P3H3: variants seen among roughly 807,000 people sequenced by gnomAD.
P3H3 encodes the protein gene rich cluster, B.
Under a neutral mutation model 78.1 loss-of-function variants are expected in P3H3, and 64 were observed. That is an observed-to-expected ratio of 0.82 (90% confidence interval 0.67 to 1.01). P3H3 has a LOEUF of 1.01. Ranked by LOEUF, P3H3 falls within the 50% of genes least tolerant of loss-of-function variation. The pLI is 0.00. For synonymous variants in P3H3, 425 were observed against 416.7 expected, an observed-to-expected ratio of 1.02 and a Z score of -0.24; for missense variants, 975 against 982.2, an observed-to-expected ratio of 0.99 and a Z score of 0.10.
intron 9 of P3H3, among the ~76,000 whole-genome samples, chr12:6,836,561 G>A (rs139100010): frequency 2.6e-4 from 40 of 152,236 alleles, no homozygotes; most frequent in African/African-American, 9.6e-4. Context: ...TCTCCCTACC[G>A]CCAGTCTGGC....
intron 10 of P3H3, 25 bp downstream of exon 10, chr12:6,837,111 C>T (rs781976510): frequency 1.2e-4 from 192 of 1,567,618 alleles, no homozygotes; most frequent in Non-Finnish European, 1.4e-4. Flanking sequence ...CACCCGGGCC[C>T]GTCTGATGCC....
At chr12:6,835,137 C>T (rs1943483986) in intron 9 of P3H3, among the ~76,000 whole-genome samples, 1 of 152,126 alleles carries the variant, frequency 6.6e-6, no homozygotes, top group South Asian at 2.1e-4. Flanking sequence ...GGGCCAGCTC[C>T]ATAGTCATTA....
rs1555122775 is a variant in P3H3 at position 6,839,419 on chromosome 12, A to C, written c.2169A>C (p.Gln723His). Reference sequence around the variant, plus strand: ...CTAGCCGCAGGCACCAGAGGGTCCAAGACAAGACTGGAAGGGCACCTCGGG... The same window carrying C: ...CTAGCCGCAGGCACCAGAGGGTCCACGACAAGACTGGAAGGGCACCTCGGG... ...EPPSRRHQRV[Q>H]DKTGRAPRVR... Residue 723 changes from glutamine (Q) to histidine (H), a missense_variant, in exon 15 of 15, where the codon CAA (glutamine) becomes CAC (histidine). Physicochemically the swap from Gln to His is conservative, Grantham distance 24. Transcript: ENST00000290510. 6.4e-7 allele frequency: 1 copy of C among 1,551,986 alleles called. No individual in the cohort carries two copies. The highest frequency in any genetic ancestry group is 1.2e-5 in the South Asian group (1 of 84,074).
intron 10 of P3H3, 84 bp downstream of exon 10, chr12:6,837,170 C>G: frequency 7.9e-7 from 1 of 1,260,970 alleles, no homozygotes; most frequent in Non-Finnish European, 1.1e-6. Flanking sequence ...AGGGCCTGGG[C>G]TTTTGTGAAG....
At chr12:6,835,996 C>A (rs1205893119) in intron 9 of P3H3, among the ~76,000 whole-genome samples, 1 of 152,176 alleles carries the variant, frequency 6.6e-6, no homozygotes, top group Non-Finnish European at 1.5e-5. Flanking sequence ...GAGGCTGAGG[C>A]AGGCGAATGG....
chr12:6,836,830 G>A (rs1555122179), intron 9 of P3H3, among the ~76,000 whole-genome samples, 155 bp from the exon 10 acceptor site: 1 of 152,184 alleles, frequency 6.6e-6, no homozygotes, highest in East Asian at 1.9e-4. Flanking sequence ...GCACTCTCTG[G>A]GAAAGAGCAG....
chr12:6,829,092 G>A lies in P3H3; in HGVS notation c.498+154G>A. On this transcript the variant is annotated intron_variant, in intron 1 of 14. Coordinates refer to ENST00000290510, the MANE Select transcript of P3H3 (RefSeq NM_014262.5). The surrounding 1 kb of genome is among the most constrained non-coding windows in gnomAD (Gnocchi z 5.1). Reference sequence around the variant, plus strand: ...GCCTCTGCGTAGGAGCTGGCTAAGCGACCGCGAGGACCTCTTGAGATCGCA... The same window carrying A: ...GCCTCTGCGTAGGAGCTGGCTAAGCAACCGCGAGGACCTCTTGAGATCGCA... 2.3e-6 allele frequency: 1 copy of A among 428,948 alleles called. No homozygotes were observed. Among genetic ancestry groups the A allele is most frequent in the Non-Finnish European group, 3.9e-6 (1 of 254,986 alleles). 26.6% of individuals were successfully genotyped at this position (428,948 alleles called of 1,614,324 possible).
At chr12:6,835,428 C>CA (rs1289639276) in intron 9 of P3H3, among the ~76,000 whole-genome samples, 1 of 151,628 alleles carries the variant, frequency 6.6e-6, no homozygotes, top group Non-Finnish European at 1.5e-5. Flanking sequence ...ACTAAAAATA[C>CA]AAAAAAATTA....
chr12:6,828,699 G>A lies in P3H3; in HGVS notation c.259G>A (p.Ala87Thr). Residue 87 changes from alanine (A) to threonine (T), a missense_variant, in exon 1 of 15, where the codon GCC becomes ACC. Ala to Thr is a moderately conservative substitution (Grantham distance 58). Transcript: ENST00000290510. ...CGASCAADPG[A>T]ALPAVLLGAP... The stretch of plus-strand genomic sequence containing the variant: ...GGCGAGCTGCGCGGCCGATCCGGGC[G>A]CCGCGCTCCCCGCCGTGCTTCTCGG... 8.0e-7 allele frequency: 1 copy of A among 1,244,894 alleles called. No individual in the cohort carries two copies. The highest frequency in any genetic ancestry group is 3.3e-5 in the South Asian group (1 of 30,574). 77.1% of individuals were successfully genotyped at this position (1,244,894 alleles called of 1,614,324 possible). A position where few individuals can be genotyped will look rare whatever the true frequency, so the allele number is the denominator to read the frequency against.
In P3H3 at chr12:6,838,196, T is replaced by C. The variant is rs1278704580; in HGVS notation, c.1905+163T>C. The C allele has an allele frequency of 3.2e-6, 3 of 941,388 alleles. No homozygotes were observed. In the African/African-American group the frequency reaches 5.0e-5, roughly 16 times the overall value. The allele number at this position is 941,388 out of a possible 1,614,324, so 58.3% of individuals were successfully genotyped here. A position where few individuals can be genotyped will look rare whatever the true frequency, so the allele number is the denominator to read the frequency against. On this transcript the variant is annotated intron_variant, in intron 13 of 14. Transcript: ENST00000290510. ...TCCCGCTGCTTCCTCCGTAGCAAGG[T>C]CTCTAAGTGGCCGAATCAACCCTAC...
chr12:6,836,814 C>T (rs1555122172), intron 9 of P3H3, among the ~76,000 whole-genome samples, 171 bp from the exon 10 acceptor site: 1 of 152,146 alleles, frequency 6.6e-6, no homozygotes, highest in African/African-American at 2.4e-5. Context: ...ACAGCCGTGG[C>T]GGTGGGCACT....
At chr12:6,832,458 C>G (rs1437272239) in intron 6 of P3H3, among the ~76,000 whole-genome samples, 2 of 152,104 alleles carry the variant, frequency 1.3e-5, no homozygotes, top group Non-Finnish European at 2.9e-5. Context: ...TGGTCTCTAC[C>G]CAGTAGAGAT....
chr12:6,829,629 C>T lies in P3H3; in HGVS notation c.499-230C>T, dbSNP rs1943425559. 3.6e-6 allele frequency: 2 copies of T among 553,368 alleles called. No homozygotes were observed. Among genetic ancestry groups the T allele is most frequent in the Admixed American group, 6.3e-5 (2 of 31,894 alleles). The allele number at this position is 553,368 out of a possible 1,614,324, so 34.3% of individuals were successfully genotyped here. A position where few individuals can be genotyped will look rare whatever the true frequency, so the allele number is the denominator to read the frequency against. ...CTGAGACCCATGTCCCACCCAACTC[C>T]GACGTCTTTAGATCCCCTTTCCCTC... On this transcript the variant is annotated intron_variant, in intron 1 of 14. Coordinates refer to ENST00000290510, the MANE Select transcript of P3H3 (RefSeq NM_014262.5). The surrounding 1 kb of genome is among the most constrained non-coding windows in gnomAD (Gnocchi z 5.1).
Position 6,831,520 on chromosome 12 carries a change from G to A in P3H3, c.1122+168G>A, listed in dbSNP as rs1555121439. ...TCCGTCTCCACTCCCTGCTCCCCAC[G>A]GCAGCCTGGAGTTCCGATTCCAGCC... On this transcript the variant is annotated intron_variant, in intron 5 of 14. Transcript: ENST00000290510. The surrounding 1 kb of genome is among the most constrained non-coding windows in gnomAD (Gnocchi z 4.6). 6.6e-6 allele frequency among the ~76,000 whole-genome samples: 1 copy of A among 151,364 alleles called. No homozygotes were observed. The highest frequency in any genetic ancestry group is 6.6e-5 in the Admixed American group (1 of 15,196).
Position 6,828,414 on chromosome 12 carries a change from C to T in P3H3, c.-27C>T. 1 of 472,478 alleles carries T rather than the reference C, an allele frequency of 2.1e-6. No homozygotes were observed. Among genetic ancestry groups the T allele is most frequent in the Non-Finnish European group, 3.6e-6 (1 of 274,120 alleles). The allele number at this position is 472,478 out of a possible 1,614,324, so 29.3% of individuals were successfully genotyped here. ...CCCTCCCTCTCGGCTCCCGCATTTC[C>T]CCTCGGCTGCCGGCGGCTCCGACAT... On this transcript the variant is annotated 5_prime_UTR_variant, in exon 1 of 15. Coordinates refer to ENST00000290510, the MANE Select transcript of P3H3 (RefSeq NM_014262.5).
chr12:6,829,701 T>C lies in P3H3; in HGVS notation c.499-158T>C. 1.4e-6 allele frequency: 1 copy of C among 716,118 alleles called. No individual in the cohort carries two copies. Among genetic ancestry groups the C allele is most frequent in the Non-Finnish European group, 2.4e-6 (1 of 419,188 alleles). The allele number at this position is 716,118 out of a possible 1,614,324, so 44.4% of individuals were successfully genotyped here. ...CCAACGTTCTGGCCTCTAGGGGATCTGCAGTTCGGGCGGTGGGCGGTTCTG... is the reference window on the plus strand; with the variant it reads ...CCAACGTTCTGGCCTCTAGGGGATCCGCAGTTCGGGCGGTGGGCGGTTCTG... On this transcript the variant is annotated intron_variant, in intron 1 of 14. Coordinates refer to ENST00000290510, the MANE Select transcript of P3H3 (RefSeq NM_014262.5). The surrounding 1 kb of genome is among the most constrained non-coding windows in gnomAD (Gnocchi z 5.1).
intron 1 of P3H3, 29 bp downstream of exon 1, chr12:6,828,967 G>C (rs1446305172): frequency 8.6e-7 from 1 of 1,158,396 alleles, no homozygotes; most frequent in Non-Finnish European, 1.1e-6. Context: ...AGCTCCGAGG[G>C]TCCCAGCCCT....
chr12:6,839,653 AC>A lies in P3H3; in HGVS notation c.*194del. On this transcript the variant is annotated 3_prime_UTR_variant, in exon 15 of 15. Coordinates refer to ENST00000290510, the MANE Select transcript of P3H3 (RefSeq NM_014262.5). ...CAGTGCACAGGCTAGCCTGGAGCTC[AC>A]CAGGCCTGGGGAGCTGGGACGGGGC... The A allele has an allele frequency of 1.4e-6, 1 of 731,768 alleles. No homozygotes were observed. The highest frequency in any genetic ancestry group is 2.1e-6 in the Non-Finnish European group (1 of 465,304). The allele number at this position is 731,768 out of a possible 1,614,324, so 45.3% of individuals were successfully genotyped here. A position where few individuals can be genotyped will look rare whatever the true frequency, so the allele number is the denominator to read the frequency against.
rs782039831 is a variant in P3H3 at position 6,838,089 on chromosome 12, A to T, written c.1905+56A>T. 1.5e-4 allele frequency: 228 copies of T among 1,558,022 alleles called. No individual in the cohort carries two copies. In the African/African-American group the frequency reaches 3.0e-3, roughly 20 times the overall value. ...CAAAGGGCCCAGCTGTGGGGTCAGG[A>T]TTCAAAACAGAAGGCTCCAGAGGCA... On this transcript the variant is annotated intron_variant, in intron 13 of 14. Coordinates refer to ENST00000290510, the MANE Select transcript of P3H3 (RefSeq NM_014262.5).
Sources: gnomAD v4.1 joint callset for allele counts (sites outside exome capture counted in the v4.1 genomes callset) on GRCh38, gnomAD v4.1.1 for gene constraint, Gnocchi (gnomAD v3.1) non-coding constraint, MANE v1.5 for transcripts, NCBI Gene and HGNC (gene_info 2026-07-23, HGNC 2026-07-21) for gene names.